PNKD: variants seen among roughly 807,000 people sequenced by gnomAD.
PNKD encodes the protein PNKD metallo-beta-lactamase domain containing, also known as probable thioesterase PNKD.
PNKD carries 36 observed loss-of-function variants against 45.3 expected under a neutral mutation model. The observed-to-expected ratio is 0.80, with a 90% CI of 0.61 to 1.05. The LOEUF is 1.05. Among genes scored for constraint, PNKD ranks in the 50% least tolerant of loss-of-function variants. The pLI is 0.00. For missense variants in PNKD, 511 were observed against 506.6 expected (o/e 1.01, Z -0.08); for synonymous variants, 197 against 210.1 (o/e 0.94, Z 0.54).
At chr2:218,323,077 G>A (rs1445957264) in intron 2 of PNKD, 3 of 939,650 alleles carry the variant, frequency 3.2e-6, no homozygotes, top group Middle Eastern at 3.8e-4. Context: ...CCCCAAGCCG[G>A]GTGGCCTTCG....
intron 2 of PNKD, chr2:218,275,701 G>A: frequency 6.5e-7 from 1 of 1,535,466 alleles, no homozygotes; most frequent in Non-Finnish European, 8.8e-7. Flanking sequence ...ATTTGTCTTG[G>A]GGGCCTATGC....
chr2:218,330,365 G>A (rs955039806), intron 2 of PNKD, among the ~76,000 whole-genome samples: 1 of 152,244 alleles, frequency 6.6e-6, no homozygotes, highest in Non-Finnish European at 1.5e-5. Context: ...CTGTGTGCCA[G>A]AGGGAGGGGC....
At chr2:218,291,652 G>A (rs907251099) in intron 2 of PNKD, among the ~76,000 whole-genome samples, 16 of 152,168 alleles carry the variant, frequency 1.1e-4, no homozygotes, top group Admixed American at 2.0e-4. Flanking sequence ...CACAAGGCCA[G>A]GGCCTGGCCT....
At chr2:218,319,844 A>C (rs907881607) in intron 2 of PNKD, among the ~76,000 whole-genome samples, 1 of 152,280 alleles carries the variant, frequency 6.6e-6, no homozygotes, top group Non-Finnish European at 1.5e-5. Flanking sequence ...TATGCCATGT[A>C]GCCAGCACTC....
At chr2:218,308,926 CTCTCTCTT>C (rs941083176) in intron 2 of PNKD, among the ~76,000 whole-genome samples, 6 of 151,978 alleles carry the variant, frequency 3.9e-5, no homozygotes, top group Admixed American at 1.3e-4. Flanking sequence ...CTCTCTTTCT[CTCTCTCTT>C]TCTCTCTTTC....
Position 218,304,211 on chromosome 2 carries a change from T to A in PNKD, c.236+32662T>A, listed in dbSNP as rs930186456. On this transcript the variant is annotated intron_variant, in intron 2 of 9. Coordinates refer to ENST00000273077, the MANE Select transcript of PNKD (RefSeq NM_015488.5). Reference sequence around the variant, plus strand: ...TCTTGTTGCCCAGGCTGGAGTGCAGTGGCGTGGTCTCAGCTCACTGCAACC... The same window carrying A: ...TCTTGTTGCCCAGGCTGGAGTGCAGAGGCGTGGTCTCAGCTCACTGCAACC... Among the ~76,000 whole-genome samples the A allele has an allele frequency of 4.6e-5, 7 of 152,132 alleles. No individual in the cohort carries two copies. In the East Asian group the frequency reaches 1.4e-3, roughly 30 times the overall value.
chr2:218,323,327 C>G (rs1418278019), intron 2 of PNKD: 22 of 1,571,812 alleles, frequency 1.4e-5, no homozygotes, highest in Non-Finnish European at 1.8e-5. Flanking sequence ...GGCTCCTCCT[C>G]GTCCTTGTCC....
At chr2:218,312,190 TA>T (rs1211342214) in intron 2 of PNKD, among the ~76,000 whole-genome samples, 1 of 152,250 alleles carries the variant, frequency 6.6e-6, no homozygotes, top group Non-Finnish European at 1.5e-5. Flanking sequence ...CTTTTCTACA[TA>T]GACACAGTAA....
chr2:218,345,087 C>A lies in PNKD; in HGVS notation c.*106C>A. The stretch of plus-strand genomic sequence containing the variant: ...TAACACCACCACCTCCATCGGCACC[C>A]AAGCGGGCATCATCCCCCCACACTG... On this transcript the variant is annotated 3_prime_UTR_variant, in exon 10 of 10. Coordinates refer to ENST00000273077, the MANE Select transcript of PNKD (RefSeq NM_015488.5). The A allele has an allele frequency of 3.5e-6, 3 of 854,954 alleles. No homozygotes were observed. The highest frequency in any genetic ancestry group is 5.5e-6 in the Non-Finnish European group (3 of 547,502). 53.0% of individuals were successfully genotyped at this position (854,954 alleles called of 1,614,324 possible). A position where few individuals can be genotyped will look rare whatever the true frequency, so the allele number is the denominator to read the frequency against.
intron 2 of PNKD, among the ~76,000 whole-genome samples, chr2:218,309,898 G>A (rs539742995): frequency 6.6e-6 from 1 of 151,228 alleles, no homozygotes; most frequent in African/African-American, 2.4e-5. Context: ...TCGCGACATT[G>A]CACTCCAGCC....
chr2:218,305,903 C>T (rs1440222733), intron 2 of PNKD, among the ~76,000 whole-genome samples: 2 of 152,180 alleles, frequency 1.3e-5, no homozygotes, highest in Non-Finnish European at 2.9e-5. Flanking sequence ...TATCAGCCTC[C>T]TTGAGAACTG....
intron 2 of PNKD, among the ~76,000 whole-genome samples, chr2:218,299,419 G>A (rs1574675327): frequency 6.6e-6 from 1 of 152,062 alleles, no homozygotes; most frequent in African/African-American, 2.4e-5. Flanking sequence ...TGGGATTACA[G>A]GCGTGAGCCA....
chr2:218,278,177 C>T lies in PNKD; in HGVS notation c.236+6628C>T, dbSNP rs146961374. On this transcript the variant is annotated intron_variant, in intron 2 of 9. Coordinates refer to ENST00000273077, the MANE Select transcript of PNKD (RefSeq NM_015488.5). ...CCAATGAGACAGACCTGTGTTGTGG[C>T]GCCAGAAACACCTGGATTGGTTTGC... 270 of 624,356 alleles carry T rather than the reference C, an allele frequency of 4.3e-4. 1 individual carries two copies. The East Asian group carries it at 6.6e-3, about 15-fold the overall frequency. The allele number at this position is 624,356 out of a possible 1,614,324, so 38.7% of individuals were successfully genotyped here.
intron 2 of PNKD, among the ~76,000 whole-genome samples, chr2:218,314,741 G>A (rs1264014577): frequency 1.3e-5 from 2 of 151,964 alleles, no homozygotes; most frequent in East Asian, 3.9e-4. Flanking sequence ...CCAGGCTGGA[G>A]TGCAATGGGG....
In PNKD at chr2:218,284,533, G is replaced by A. The variant is rs1482218831; in HGVS notation, c.236+12984G>A. Among the ~76,000 whole-genome samples the A allele has an allele frequency of 3.9e-5, 6 of 152,354 alleles. 1 individual carries two copies. The Middle Eastern group carries it at 0.014, about 348-fold the overall frequency. ...CCAAGGTTCTGGTGCAGCTCAGCGG[G>A]TGCTGACTCAGAGCTTCACTCCTGC... On this transcript the variant is annotated intron_variant, in intron 2 of 9. Transcript: ENST00000273077.
intron 2 of PNKD, chr2:218,274,577 C>G (rs1277287580): frequency 6.4e-6 from 1 of 155,238 alleles, no homozygotes; most frequent in South Asian, 2.0e-4. Context: ...GGCATTCTCC[C>G]TGCCCGCACC....
chr2:218,298,931 C>T (rs890207384), intron 2 of PNKD, among the ~76,000 whole-genome samples: 2 of 152,068 alleles, frequency 1.3e-5, no homozygotes, highest in Non-Finnish European at 2.9e-5. Flanking sequence ...TCCCAACCCA[C>T]GATATTAGCT....
At chr2:218,276,884 C>T (rs1172065591) in intron 2 of PNKD, 2 of 764,944 alleles carry the variant, frequency 2.6e-6, no homozygotes, top group Non-Finnish European at 4.5e-6. Context: ...GCTAGCCAGT[C>T]GAGAGGTTCT....
chr2:218,314,017 G>T (rs1693692671), intron 2 of PNKD, among the ~76,000 whole-genome samples: 1 of 149,304 alleles, frequency 6.7e-6, no homozygotes, highest in Admixed American at 6.8e-5. Context: ...CGCCTCCCAG[G>T]TTCAAGCGAT....
Sources: allele counts gnomAD v4.1 joint callset (sites outside exome capture counted in the v4.1 genomes callset), GRCh38; gene constraint gnomAD v4.1.1; transcripts MANE v1.5; gene names NCBI Gene and HGNC (gene_info 2026-07-23, HGNC 2026-07-21).